Variants in ADCY9 observed in about 807,000 individuals in gnomAD.
ADCY9 encodes adenylate cyclase 9.
In ADCY9, 50 loss-of-function variants were observed where a neutral mutation model predicts 101.5. The ratio of observed to expected loss-of-function variants is 0.49; its 90% CI spans 0.39 to 0.62. The LOEUF (loss-of-function observed/expected upper bound fraction) is 0.62, where lower values mean the gene tolerates loss of function less well. ADCY9 is among the 20% of genes least tolerant of loss of function. The pLI is 0.00. For synonymous variants in ADCY9, 905 were observed against 769.3 expected, an observed-to-expected ratio of 1.18 and a Z score of -2.92; for missense variants, 1,662 against 1,800.4, an observed-to-expected ratio of 0.92 and a Z score of 1.39.
At chr16:4,059,824 G>A (rs78894593) in intron 2 of ADCY9, among the ~76,000 whole-genome samples, 4,490 of 152,262 alleles carry the variant, frequency 0.029, 211 homozygotes, top group African/African-American at 0.1. Context: ...CTTGAGCCTG[G>A]GAGCTTGAGG....
chr16:4,004,757 G>A (rs898585082), intron 3 of ADCY9, among the ~76,000 whole-genome samples: 3 of 152,232 alleles, frequency 2.0e-5, no homozygotes, highest in African/African-American at 4.8e-5. Flanking sequence ...ACAGACTGAA[G>A]GGACTGAGAA....
intron 2 of ADCY9, among the ~76,000 whole-genome samples, chr16:4,050,569 C>G (rs1196849539): frequency 6.6e-6 from 1 of 151,766 alleles, no homozygotes; most frequent in African/African-American, 2.4e-5. Context: ...ACAAAATTAG[C>G]CGGACGTGGT....
chr16:4,052,216 A>G (rs2056706126), intron 2 of ADCY9, among the ~76,000 whole-genome samples: 1 of 152,196 alleles, frequency 6.6e-6, no homozygotes, highest in South Asian at 2.1e-4. Context: ...AAAGACAGAG[A>G]CGAAGGAACA....
At chr16:4,027,892 GA>G (rs1003768581) in intron 2 of ADCY9, among the ~76,000 whole-genome samples, 22 of 148,366 alleles carry the variant, frequency 1.5e-4, no homozygotes, top group East Asian at 7.9e-4. Flanking sequence ...AAAAAAAAAA[GA>G]AAAAAAACCC....
intron 2 of ADCY9, among the ~76,000 whole-genome samples, chr16:4,113,329 C>G (rs962830709): frequency 2.0e-5 from 3 of 152,132 alleles, no homozygotes; most frequent in Non-Finnish European, 4.4e-5. Flanking sequence ...TTATTCTCCA[C>G]GTTTTCGCAA....
In ADCY9 at chr16:4,115,708, C is replaced by T. The variant is rs1000234999; in HGVS notation, c.-62G>A. 9.4e-6 allele frequency: 4 copies of T among 425,470 alleles called. No homozygotes were observed. Among genetic ancestry groups the T allele is most frequent in the African/African-American group, 6.1e-5 (3 of 48,940 alleles). 26.4% of individuals were successfully genotyped at this position (425,470 alleles called of 1,614,324 possible). On this transcript the variant is annotated 5_prime_UTR_variant, in exon 1 of 11. Transcript: ENST00000294016. This position sits in a 1 kb window ranked among gnomAD's most constrained non-coding sequence, Gnocchi z 6.2. ...GACGGACCTAGAACGCCCGGGGGTC[C>T]CCGCCGCGTGGCCGCCGTGGCTCCG...
intron 2 of ADCY9, among the ~76,000 whole-genome samples, chr16:4,074,213 G>T (rs1350331938): frequency 6.6e-6 from 1 of 151,740 alleles, no homozygotes; most frequent in Non-Finnish European, 1.5e-5. Flanking sequence ...CATTTACAAG[G>T]TTCTCATAGA....
intron 8 of ADCY9, 74 bp from the exon 9 acceptor site, chr16:3,977,704 A>G (rs1044862149): frequency 6.6e-7 from 1 of 1,514,746 alleles, no homozygotes; most frequent in Non-Finnish European, 8.9e-7. Context: ...CCGCCAAAAC[A>G]TTCGCCACTA....
chr16:4,023,555 G>T (rs2056492884), intron 2 of ADCY9, among the ~76,000 whole-genome samples: 1 of 152,192 alleles, frequency 6.6e-6, no homozygotes, highest in Non-Finnish European at 1.5e-5. Context: ...GATGCAGACT[G>T]AGGGAAGAAA....
intron 6 of ADCY9, among the ~76,000 whole-genome samples, chr16:3,985,904 G>A (rs2056188450): frequency 6.6e-6 from 1 of 152,092 alleles, no homozygotes; most frequent in African/African-American, 2.4e-5. Context: ...GTGCATCCCG[G>A]GAGTGCCACC....
chr16:4,058,740 C>T (rs1296113704), intron 2 of ADCY9, among the ~76,000 whole-genome samples: 1 of 152,044 alleles, frequency 6.6e-6, no homozygotes, highest in Non-Finnish European at 1.5e-5. Context: ...AAAGGTGCAG[C>T]GGAACTGAGT....
intron 2 of ADCY9, among the ~76,000 whole-genome samples, chr16:4,009,677 A>G (rs545323486): frequency 6.6e-6 from 1 of 152,358 alleles, no homozygotes; most frequent in South Asian, 2.1e-4. Flanking sequence ...ATACACTGAA[A>G]TGGAAACGTG....
chr16:4,028,778 TTC>T (rs367582040), intron 2 of ADCY9, among the ~76,000 whole-genome samples: 47 of 152,142 alleles, frequency 3.1e-4, no homozygotes, highest in African/African-American at 1.1e-3. Flanking sequence ...GTTATCTATT[TTC>T]TTTTTTTCTT....
chr16:3,978,211 G>A (rs1212403737), intron 8 of ADCY9, among the ~76,000 whole-genome samples: 2 of 152,138 alleles, frequency 1.3e-5, no homozygotes, highest in East Asian at 1.9e-4. Flanking sequence ...ACGTGTCTTC[G>A]TGGAAAGGAA....
At chr16:3,996,895 C>T (rs1020434959) in intron 3 of ADCY9, among the ~76,000 whole-genome samples, 4 of 152,086 alleles carry the variant, frequency 2.6e-5, no homozygotes, top group East Asian at 3.9e-4. Flanking sequence ...GACTGAGTCT[C>T]GCTCTGTCAC....
At chr16:4,037,571 A>G (rs2056598343) in intron 2 of ADCY9, among the ~76,000 whole-genome samples, 1 of 152,160 alleles carries the variant, frequency 6.6e-6, no homozygotes, top group Non-Finnish European at 1.5e-5. Context: ...CTCTGGGTAG[A>G]TATCTAGTAG....
chr16:4,075,823 C>T (rs79827341), intron 2 of ADCY9, among the ~76,000 whole-genome samples: 4,404 of 142,486 alleles, frequency 0.031, 198 homozygotes, highest in African/African-American at 0.11. Context: ...GGGCAGGGGT[C>T]CAACCTGCAC....
At chr16:4,101,185 C>G (rs951827514) in intron 2 of ADCY9, among the ~76,000 whole-genome samples, 1 of 152,144 alleles carries the variant, frequency 6.6e-6, no homozygotes, top group Non-Finnish European at 1.5e-5. Flanking sequence ...GTTACCTAAC[C>G]TCTCTGTGCT....
intron 5 of ADCY9, among the ~76,000 whole-genome samples, chr16:3,957,554 G>C (rs2055914393): frequency 6.6e-6 from 1 of 152,182 alleles, no homozygotes; most frequent in South Asian, 2.1e-4. Flanking sequence ...CCTGGGGCTT[G>C]AGGAAGGCAG....
Sources: allele counts gnomAD v4.1 joint callset (sites outside exome capture counted in the v4.1 genomes callset), GRCh38; gene constraint gnomAD v4.1.1; non-coding constraint Gnocchi (gnomAD v3.1); transcripts MANE v1.5; gene names NCBI Gene and HGNC (gene_info 2026-07-23, HGNC 2026-07-21).